AAK1: variants seen among roughly 807,000 people sequenced by gnomAD.
AAK1 encodes AP2-associated protein kinase 1.
A neutral mutation model predicts 116.0 loss-of-function variants in AAK1; 37 were observed. The ratio of observed to expected loss-of-function variants is 0.32; its 90% CI spans 0.25 to 0.42. AAK1 has a LOEUF of 0.42. Ranked by LOEUF, AAK1 falls within the 10% of genes least tolerant of loss-of-function variation. The pLI is 1.00. For missense variants in AAK1, 919 were observed against 1,170.6 expected (o/e 0.79, Z 3.14); for synonymous variants, 458 against 439.9 (o/e 1.04, Z -0.51).
intron 2 of AAK1, among the ~76,000 whole-genome samples, chr2:69,614,854 T>A (rs1193480455): frequency 6.6e-6 from 1 of 151,528 alleles, no homozygotes; most frequent in East Asian, 1.9e-4. Context: ...GGGACTGGAG[T>A]GATGGAGCCA....
At position 69,471,937 on chromosome 2, in the gene AAK1, G is replaced by A. The variant is rs779318433; in HGVS notation, c.*3932C>T. On this transcript the variant is annotated 3_prime_UTR_variant, in exon 22 of 22. Coordinates refer to ENST00000409085, the MANE Select transcript of AAK1 (RefSeq NM_014911.5). ...ATATTACATCTTGAGAAAGTAGTTC[G>A]TTTCTTGGGTTTGTTTTTCCACAAG... The A allele has an allele frequency of 3.2e-5, 32 of 985,192 alleles. No individual in the cohort carries two copies. Among genetic ancestry groups the A allele is most frequent in the South Asian group, 4.7e-5 (1 of 21,288 alleles). The allele number at this position is 985,192 out of a possible 1,614,324, so 61.0% of individuals were successfully genotyped here.
At chr2:69,594,999 G>T in intron 2 of AAK1, 2 of 775,130 alleles carry the variant, frequency 2.6e-6, no homozygotes, top group Non-Finnish European at 4.6e-6. Context: ...GTCACTTTGT[G>T]GGGTTGGTGC....
At position 69,470,389 on chromosome 2, in the gene AAK1, T is replaced by C; in HGVS notation, c.*5480A>G. On this transcript the variant is annotated 3_prime_UTR_variant, in exon 22 of 22. Coordinates refer to ENST00000409085, the MANE Select transcript of AAK1 (RefSeq NM_014911.5). Reference sequence around the variant, plus strand: ...AATCAAGAGACGTACATCAAACTAATAATTACCATGACCTTCTAGCTCACA... The same window carrying C: ...AATCAAGAGACGTACATCAAACTAACAATTACCATGACCTTCTAGCTCACA... 6 of 985,448 alleles carry C rather than the reference T, an allele frequency of 6.1e-6. No individual in the cohort carries two copies. The highest frequency in any genetic ancestry group is 7.2e-6 in the Non-Finnish European group (6 of 829,934). The allele number at this position is 985,448 out of a possible 1,614,324, so 61.0% of individuals were successfully genotyped here.
At chr2:69,507,705 G>GTT in intron 14 of AAK1, 127 bp from the exon 15 acceptor site, 3 of 790,572 alleles carry the variant, frequency 3.8e-6, no homozygotes, top group African/African-American at 1.9e-5. Flanking sequence ...TTCCACCACA[G>GTT]TATTTTTTTT....
chr2:69,464,722 C>T lies in AAK1; in HGVS notation c.*11147G>A, dbSNP rs1343439110. 5 of 152,690 alleles carry T rather than the reference C, an allele frequency of 3.3e-5. No homozygotes were observed. The highest frequency in any genetic ancestry group is 7.3e-5 in the Non-Finnish European group (5 of 68,150). The allele number at this position is 152,690 out of a possible 1,614,324, so 9.5% of individuals were successfully genotyped here. A position where few individuals can be genotyped will look rare whatever the true frequency, so the allele number is the denominator to read the frequency against. On this transcript the variant is annotated 3_prime_UTR_variant, in exon 22 of 22. Transcript: ENST00000409085. ...ATGGATGTGGGGAAAGCCCTGCCAG[C>T]ATGACTAGACATGAGGAGTTAGCCC...
Position 69,472,432 on chromosome 2 carries a change from T to C in AAK1, c.*3437A>G, listed in dbSNP as rs544026202. On this transcript the variant is annotated 3_prime_UTR_variant, in exon 22 of 22. Coordinates refer to ENST00000409085, the MANE Select transcript of AAK1 (RefSeq NM_014911.5). ...TTTCTAAGGAGAGGAGTTTCAAAAA[T>C]AACTTTAAGGATGGCAGCATCATTA... is the stretch of plus-strand genomic sequence containing the variant. 2 of 306,168 alleles carry C rather than the reference T, an allele frequency of 6.5e-6. No individual in the cohort carries two copies. The highest frequency in any genetic ancestry group is 2.6e-4 in the South Asian group (2 of 7,728). 19.0% of individuals were successfully genotyped at this position (306,168 alleles called of 1,614,324 possible).
chr2:69,638,760 C>G (rs1329531605), intron 2 of AAK1, among the ~76,000 whole-genome samples: 2 of 152,184 alleles, frequency 1.3e-5, no homozygotes, highest in African/African-American at 2.4e-5. Flanking sequence ...TATTCCTGTT[C>G]AAACTTCATG....
At chr2:69,570,032 T>C (rs1422506678) in intron 2 of AAK1, among the ~76,000 whole-genome samples, 3 of 152,190 alleles carry the variant, frequency 2.0e-5, no homozygotes, top group East Asian at 3.9e-4. Flanking sequence ...TTTAATTTTA[T>C]AAGAAAGTGA....
intron 11 of AAK1, 86 bp from the exon 12 acceptor site, chr2:69,519,326 G>C: frequency 6.9e-7 from 1 of 1,452,296 alleles, no homozygotes; most frequent in Non-Finnish European, 9.1e-7. Context: ...ACTAATAGGG[G>C]GTGACAAGTG....
intron 2 of AAK1, among the ~76,000 whole-genome samples, chr2:69,639,504 C>T (rs780049024): frequency 7.9e-5 from 12 of 152,172 alleles, no homozygotes; most frequent in African/African-American, 2.9e-4. Context: ...GCCTTCACTT[C>T]CCCCAAACAG....
rs1354626380 is a variant in AAK1 at position 69,466,246 on chromosome 2, CT to C, written c.*9622del. The C allele has an allele frequency of 1.6e-6, 2 of 1,289,686 alleles. No homozygotes were observed. Among genetic ancestry groups the C allele is most frequent in the Non-Finnish European group, 2.0e-6 (2 of 988,874 alleles). 79.9% of individuals were successfully genotyped at this position (1,289,686 alleles called of 1,614,324 possible). A position where few individuals can be genotyped will look rare whatever the true frequency, so the allele number is the denominator to read the frequency against. ...TCTGGTGGAGCGAATGGAACGGCTC[CT>C]CCCAGCTTCCCCGGGGGGGGTCTGC... On this transcript the variant is annotated 3_prime_UTR_variant, in exon 22 of 22. Coordinates refer to ENST00000409085, the MANE Select transcript of AAK1 (RefSeq NM_014911.5).
chr2:69,485,878 C>T (rs961675994), intron 17 of AAK1, among the ~76,000 whole-genome samples: 2 of 151,844 alleles, frequency 1.3e-5, no homozygotes, highest in Non-Finnish European at 2.9e-5. Flanking sequence ...AGGTTGGTCT[C>T]GAACTCCTGA....
At position 69,504,321 on chromosome 2, in the gene AAK1, C is replaced by G. The variant is rs1014623685; in HGVS notation, c.2269+1248G>C. 6.7e-5 allele frequency among the ~76,000 whole-genome samples: 10 copies of G among 148,840 alleles called. No homozygotes were observed. In the East Asian group the frequency reaches 2.0e-3, roughly 30 times the overall value. ...CTTGAGGCATGAGAATTGCTTGAACCTGGGAGGCAGAGTTTGCAGTGAGCC... is the reference window on the plus strand; with the variant it reads ...CTTGAGGCATGAGAATTGCTTGAACGTGGGAGGCAGAGTTTGCAGTGAGCC... On this transcript the variant is annotated intron_variant, in intron 16 of 21. Transcript: ENST00000409085.
chr2:69,544,397 A>C, intron 4 of AAK1, 39 bp downstream of exon 4: 27 of 1,483,316 alleles, frequency 1.8e-5, no homozygotes, highest in Middle Eastern at 1.7e-4. Context: ...TCAAAATGCT[A>C]GAGAAATGAC....
At chr2:69,488,454 C>A (rs926212430) in intron 17 of AAK1, among the ~76,000 whole-genome samples, 8 of 151,946 alleles carry the variant, frequency 5.3e-5, no homozygotes, top group African/African-American at 1.7e-4. Context: ...AGTAAAAGAG[C>A]CTGAATTTAA....
intron 3 of AAK1, among the ~76,000 whole-genome samples, chr2:69,549,294 A>G (rs1671074018): frequency 6.6e-6 from 1 of 152,172 alleles, no homozygotes; most frequent in African/African-American, 2.4e-5. Flanking sequence ...GCTTGAACCC[A>G]GGAGGTGGAG....
chr2:69,513,476 C>G (rs879347701), intron 13 of AAK1, among the ~76,000 whole-genome samples: 3 of 152,092 alleles, frequency 2.0e-5, no homozygotes, highest in Non-Finnish European at 4.4e-5. Flanking sequence ...CCTGCCACCA[C>G]GCCCGGCTAA....
chr2:69,634,335 T>A (rs775514128), intron 2 of AAK1, among the ~76,000 whole-genome samples: 7 of 152,232 alleles, frequency 4.6e-5, no homozygotes, highest in Non-Finnish European at 7.3e-5. Flanking sequence ...TCAACCAATG[T>A]CAGCCACTGC....
intron 10 of AAK1, among the ~76,000 whole-genome samples, chr2:69,524,224 G>A (rs1302862219): frequency 6.6e-6 from 1 of 152,054 alleles, no homozygotes; most frequent in Non-Finnish European, 1.5e-5. Flanking sequence ...CAAAAGTCAG[G>A]ACACATGTTT....
Sources: allele counts gnomAD v4.1 joint callset (sites outside exome capture counted in the v4.1 genomes callset), GRCh38; gene constraint gnomAD v4.1.1; transcripts MANE v1.5; gene names NCBI Gene and HGNC (gene_info 2026-07-23, HGNC 2026-07-21).